CEP112: variants seen among roughly 807,000 people sequenced by gnomAD.
The protein encoded by CEP112 is centrosomal protein 112.
In CEP112, 127 loss-of-function variants were observed where a neutral mutation model predicts 153.0. The observed-to-expected ratio is 0.83, with a 90% CI of 0.72 to 0.96. The LOEUF is 0.96. Among genes scored for constraint, CEP112 ranks in the 40% least tolerant of loss-of-function variants. CEP112 has a pLI of 0.00. For missense variants in CEP112, 1,089 were observed against 1,101.2 expected, an observed-to-expected ratio of 0.99 and a Z score of 0.16; for synonymous variants, 358 against 374.4, an observed-to-expected ratio of 0.96 and a Z score of 0.51.
At chr17:65,875,465 C>T (rs2058796459) in intron 20 of CEP112, among the ~76,000 whole-genome samples, 1 of 152,062 alleles carries the variant, frequency 6.6e-6, no homozygotes, top group Non-Finnish European at 1.5e-5. Context: ...CTGTTTTCAA[C>T]TCTGATGATC....
At chr17:65,878,745 G>A (rs544698421) in intron 20 of CEP112, among the ~76,000 whole-genome samples, 1 of 151,638 alleles carries the variant, frequency 6.6e-6, no homozygotes, top group African/African-American at 2.4e-5. Flanking sequence ...ATAAGGACGA[G>A]CCCCCAAAAG....
chr17:65,730,491 T>G (rs1246332588), intron 23 of CEP112, among the ~76,000 whole-genome samples: 1 of 152,220 alleles, frequency 6.6e-6, no homozygotes, highest in Non-Finnish European at 1.5e-5. Flanking sequence ...AATACATTTC[T>G]ATTCTTAGCA....
intron 21 of CEP112, among the ~76,000 whole-genome samples, chr17:65,790,819 C>G (rs2054549283): frequency 6.6e-6 from 1 of 152,188 alleles, no homozygotes; most frequent in Admixed American, 6.5e-5. Context: ...AATAGAATCT[C>G]TGTGATCTTC....
intron 13 of CEP112, 60 bp downstream of exon 13, chr17:66,029,809 A>C: frequency 7.0e-7 from 1 of 1,434,632 alleles, no homozygotes; most frequent in Non-Finnish European, 9.5e-7. Flanking sequence ...CAGATAACTG[A>C]TACAGTTAAT....
intron 4 of CEP112, among the ~76,000 whole-genome samples, chr17:66,146,507 T>C (rs2070926157): frequency 1.3e-5 from 2 of 152,120 alleles, no homozygotes; most frequent in African/African-American, 2.4e-5. Flanking sequence ...TTATCAATTG[T>C]GGTAAAATAC....
chr17:66,130,038 A>AG (rs1208789888), intron 5 of CEP112, among the ~76,000 whole-genome samples: 1 of 152,070 alleles, frequency 6.6e-6, no homozygotes, highest in Non-Finnish European at 1.5e-5. Flanking sequence ...GTGGGACGGG[A>AG]GGGAGAAAAA....
chr17:66,139,993 C>T (rs1009452754), intron 4 of CEP112, among the ~76,000 whole-genome samples: 1 of 152,116 alleles, frequency 6.6e-6, no homozygotes, highest in African/African-American at 2.4e-5. Flanking sequence ...AAATTACAAG[C>T]CAATACCTGA....
intron 26 of CEP112, chr17:65,636,864 G>A: frequency 2.5e-6 from 1 of 398,000 alleles, no homozygotes; most frequent in Non-Finnish European, 4.5e-6. Context: ...CTCCTGCCTT[G>A]GCCTCCCAAA....
chr17:65,864,194 G>C (rs2058407086), intron 20 of CEP112, among the ~76,000 whole-genome samples: 1 of 151,554 alleles, frequency 6.6e-6, no homozygotes, highest in Non-Finnish European at 1.5e-5. Flanking sequence ...ACAGGTTTCA[G>C]ATCTTTCAGA....
intron 23 of CEP112, among the ~76,000 whole-genome samples, chr17:65,725,558 C>T (rs921521316): frequency 2.0e-5 from 3 of 152,170 alleles, no homozygotes; most frequent in Admixed American, 6.5e-5. Flanking sequence ...CTCAAGTGAT[C>T]CAGTCGCCTG....
At chr17:65,871,830 T>C in intron 20 of CEP112, among the ~76,000 whole-genome samples, 1 of 152,168 alleles carries the variant, frequency 6.6e-6, no homozygotes, top group Non-Finnish European at 1.5e-5. Context: ...CAGATGACCT[T>C]GCATTATGTT....
intron 21 of CEP112, among the ~76,000 whole-genome samples, chr17:65,847,584 A>C (rs917997538): frequency 6.6e-6 from 1 of 152,152 alleles, no homozygotes; most frequent in Non-Finnish European, 1.5e-5. Context: ...CCTGTCACTC[A>C]TTCATGTCAT....
At chr17:65,803,571 A>G (rs1381645506) in intron 21 of CEP112, among the ~76,000 whole-genome samples, 1 of 152,152 alleles carries the variant, frequency 6.6e-6, no homozygotes, top group African/African-American at 2.4e-5. Flanking sequence ...TTCTCCAAAT[A>G]CCTTAGGTGT....
intron 21 of CEP112, among the ~76,000 whole-genome samples, chr17:65,776,038 C>T (rs917534988): frequency 2.0e-5 from 3 of 152,192 alleles, no homozygotes; most frequent in East Asian, 3.8e-4. Flanking sequence ...GAGATGAACT[C>T]GCTGCAGCAA....
chr17:66,093,413 T>C (rs1056794713), intron 8 of CEP112, among the ~76,000 whole-genome samples: 1 of 151,762 alleles, frequency 6.6e-6, no homozygotes, highest in East Asian at 1.9e-4. Context: ...GACGATATGA[T>C]CTTATATGTA....
At chr17:66,176,145 C>G (rs1290750441) in intron 3 of CEP112, among the ~76,000 whole-genome samples, 1 of 152,304 alleles carries the variant, frequency 6.6e-6, no homozygotes, top group East Asian at 1.9e-4. Context: ...TTTTAAAATA[C>G]ATGACACAAG....
chr17:65,783,562 A>C (rs746928568), intron 21 of CEP112, among the ~76,000 whole-genome samples: 13 of 152,372 alleles, frequency 8.5e-5, no homozygotes, highest in Admixed American at 2.6e-4. Context: ...CAATAAATGG[A>C]TAAGAAAATT....
At chr17:66,091,490 CAAAT>C (rs1284016557) in intron 8 of CEP112, among the ~76,000 whole-genome samples, 2 of 151,950 alleles carry the variant, frequency 1.3e-5, no homozygotes, top group Non-Finnish European at 2.9e-5. Flanking sequence ...TATCTACAGA[CAAAT>C]GAAAATAAAA....
At chr17:65,684,287 G>C (rs1185773930) in intron 24 of CEP112, among the ~76,000 whole-genome samples, 2 of 152,122 alleles carry the variant, frequency 1.3e-5, no homozygotes, top group African/African-American at 4.8e-5. Flanking sequence ...TTATTTATTA[G>C]AACATCTCTA....
Sources: allele counts gnomAD v4.1 joint callset (sites outside exome capture counted in the v4.1 genomes callset), GRCh38; gene constraint gnomAD v4.1.1; transcripts MANE v1.5; gene names NCBI Gene and HGNC (gene_info 2026-07-23, HGNC 2026-07-21).